TNFRSF10B: variants seen among roughly 807,000 people sequenced by gnomAD.
The protein encoded by TNFRSF10B is tumor necrosis factor receptor superfamily member 10B.
TNFRSF10B carries 35 observed loss-of-function variants against 41.4 expected under a neutral mutation model. The observed-to-expected ratio is 0.85, with a 90% CI of 0.65 to 1.12. The LOEUF (loss-of-function observed/expected upper bound fraction) is 1.12, where lower values mean the gene tolerates loss of function less well. Among genes scored for constraint, TNFRSF10B ranks in the 50% most tolerant of loss-of-function variants. The pLI is 0.00. For synonymous variants in TNFRSF10B, 230 were observed against 215.5 expected (o/e 1.07, Z -0.59); for missense variants, 584 against 552.7 (o/e 1.06, Z -0.57).
Position 23,022,069 on chromosome 8 carries a change from A to G in TNFRSF10B, c.*602T>C. The G allele has an allele frequency of 2.3e-6, 1 of 437,044 alleles. No homozygotes were observed. The highest frequency in any genetic ancestry group is 4.6e-6 in the Non-Finnish European group (1 of 219,290). The allele number at this position is 437,044 out of a possible 1,614,324, so 27.1% of individuals were successfully genotyped here. ...AGTCCAGGAATTCGAGACCACCCTG[A>G]GCAACATAGAGAGCCCCTATATCTA... On this transcript the variant is annotated 3_prime_UTR_variant, in exon 9 of 9. Transcript: ENST00000276431.
chr8:23,063,474 A>G (rs1286348156), intron 1 of TNFRSF10B, among the ~76,000 whole-genome samples: 1 of 152,122 alleles, frequency 6.6e-6, no homozygotes. Context: ...TAGCACATTC[A>G]GGTTCCTAAT....
chr8:23,043,031 A>G (rs1812251781), intron 2 of TNFRSF10B, 107 bp downstream of exon 2: 5 of 1,038,986 alleles, frequency 4.8e-6, no homozygotes, highest in South Asian at 4.4e-5. Context: ...GAGGCACCCA[A>G]TGCCTCTCTG....
At chr8:23,043,759 GC>G (rs1166006874) in intron 1 of TNFRSF10B, among the ~76,000 whole-genome samples, 3 of 152,194 alleles carry the variant, frequency 2.0e-5, no homozygotes, top group African/African-American at 4.8e-5. Flanking sequence ...AGACCAGAGA[GC>G]CCAGAAATGA....
intron 1 of TNFRSF10B, among the ~76,000 whole-genome samples, chr8:23,062,982 T>C (rs1032865224): frequency 6.6e-6 from 1 of 152,240 alleles, no homozygotes; most frequent in Non-Finnish European, 1.5e-5. Flanking sequence ...TTTCAAGAAA[T>C]TAAGAGGAAA....
chr8:23,022,898 T>C lies in TNFRSF10B; in HGVS notation c.1096A>G (p.Asn366Asp). The C allele has an allele frequency of 6.2e-7, 1 of 1,613,946 alleles. No homozygotes were observed. The change falls in exon 9 of 9, where the codon AAT becomes GAT. Residue 366 changes from asparagine to aspartate, a missense_variant. Physicochemically the swap from Asn to Asp is conservative, Grantham distance 23. Coordinates refer to ENST00000276431, the MANE Select transcript of TNFRSF10B (RefSeq NM_003842.5). ...TCAGCTTTAGCCACCTTTATCTCAT[T>C]GTCCATGAGGCCCAACTTCCTCATG... The part of the protein sequence containing the change: ...PLMRKLGLMD[N>D]EIKVAKAEAA...
chr8:23,030,247 A>C (rs1452305434), intron 3 of TNFRSF10B, among the ~76,000 whole-genome samples: 2 of 152,218 alleles, frequency 1.3e-5, no homozygotes, highest in Non-Finnish European at 2.9e-5. Context: ...ACCCCCTTGC[A>C]GCTGACAGTT....
intron 1 of TNFRSF10B, among the ~76,000 whole-genome samples, chr8:23,044,699 A>G (rs1356569392): frequency 6.6e-6 from 1 of 152,172 alleles, no homozygotes; most frequent in Non-Finnish European, 1.5e-5. Flanking sequence ...CTCAAATACA[A>G]GACTTAATGT....
At chr8:23,026,385 T>C (rs900459490) in intron 7 of TNFRSF10B, among the ~76,000 whole-genome samples, 3 of 152,036 alleles carry the variant, frequency 2.0e-5, no homozygotes, top group South Asian at 4.1e-4. Flanking sequence ...AAAGGAAGAA[T>C]TGGTTGCTAA....
intron 6 of TNFRSF10B, 116 bp downstream of exon 6, chr8:23,027,606 C>T (rs1314870310): frequency 2.0e-6 from 3 of 1,468,382 alleles, no homozygotes; most frequent in Non-Finnish European, 2.8e-6. Context: ...ACCCAGGCCA[C>T]TTCAGAGAGT....
At chr8:23,059,549 C>A (rs1290485166) in intron 1 of TNFRSF10B, among the ~76,000 whole-genome samples, 2 of 152,226 alleles carry the variant, frequency 1.3e-5, no homozygotes, top group Non-Finnish European at 2.9e-5. Context: ...TTCTGTCGCC[C>A]AGGCTGGAGT....
At chr8:23,039,157 C>T (rs1043354528) in intron 2 of TNFRSF10B, among the ~76,000 whole-genome samples, 1 of 151,978 alleles carries the variant, frequency 6.6e-6, no homozygotes, top group Admixed American at 6.6e-5. Context: ...AGGGTTCACG[C>T]TCCTATGAAG....
intron 2 of TNFRSF10B, among the ~76,000 whole-genome samples, chr8:23,032,299 C>A (rs539450280): frequency 1.3e-5 from 2 of 152,204 alleles, no homozygotes; most frequent in East Asian, 3.9e-4. Flanking sequence ...ACACCAGGAG[C>A]AGAAGTCATA....
intron 1 of TNFRSF10B, among the ~76,000 whole-genome samples, chr8:23,062,155 G>GTT (rs1184009543): frequency 1.3e-5 from 2 of 152,172 alleles, no homozygotes; most frequent in African/African-American, 4.8e-5. Flanking sequence ...AATTCTGTCA[G>GTT]TTTAATTAAT....
In TNFRSF10B at chr8:23,027,306, G is replaced by A; in HGVS notation, c.781-18C>T. 3.7e-6 allele frequency: 6 copies of A among 1,613,898 alleles called. No homozygotes were observed. Among genetic ancestry groups the A allele is most frequent in the Non-Finnish European group, 5.1e-6 (6 of 1,180,006 alleles). On this transcript the variant is annotated intron_variant, in intron 6 of 8. Coordinates refer to ENST00000276431, the MANE Select transcript of TNFRSF10B (RefSeq NM_003842.5). ...TGTGAGCTCTGGAAAAAGACATTGGGAAGGCAAAAAGCCGACTCAGGAGTC... is the reference window on the plus strand; with the variant it reads ...TGTGAGCTCTGGAAAAAGACATTGGAAAGGCAAAAAGCCGACTCAGGAGTC...
chr8:23,037,856 AG>A lies in TNFRSF10B; in HGVS notation c.250+5281del, dbSNP rs1018189655. 8.5e-5 allele frequency among the ~76,000 whole-genome samples: 13 copies of A among 152,178 alleles called. 1 individual carries two copies. ...CTAGGATTCATGTGTCCAGGAATCT[AG>A]GGGTGGAAGCAGGAATGGCCCCACT... On this transcript the variant is annotated intron_variant, in intron 2 of 8. Transcript: ENST00000276431.
At chr8:23,043,080 G>A in intron 2 of TNFRSF10B, 58 bp downstream of exon 2, 3 of 1,502,388 alleles carry the variant, frequency 2.0e-6, no homozygotes, top group Non-Finnish European at 2.8e-6. Flanking sequence ...AAACAGACTG[G>A]AAGCTCATGG....
At chr8:23,040,810 T>TA (rs1287443751) in intron 2 of TNFRSF10B, among the ~76,000 whole-genome samples, 29 of 152,218 alleles carry the variant, frequency 1.9e-4, no homozygotes, top group Admixed American at 7.9e-4. Context: ...AAAGACATTC[T>TA]AAAAAATCCA....
intron 1 of TNFRSF10B, among the ~76,000 whole-genome samples, chr8:23,065,182 T>C (rs941149379): frequency 9.9e-5 from 15 of 152,170 alleles, no homozygotes; most frequent in African/African-American, 3.4e-4. Flanking sequence ...GCACAGATTT[T>C]CCCAGAGTAA....
chr8:23,028,234 G>GGGC, intron 5 of TNFRSF10B, 97 bp downstream of exon 5: 1 of 1,563,452 alleles, frequency 6.4e-7, no homozygotes, highest in East Asian at 2.2e-5. Context: ...GAGGCACTTA[G>GGGC]ACTTGGGGCA....
Sources: gnomAD v4.1 joint callset for allele counts (sites outside exome capture counted in the v4.1 genomes callset) on GRCh38, gnomAD v4.1.1 for gene constraint, MANE v1.5 for transcripts, NCBI Gene and HGNC (gene_info 2026-07-23, HGNC 2026-07-21) for gene names.